The following AKAP6 variants were observed in gnomAD, a reference collection of about 807,000 sequenced individuals.
The protein encoded by AKAP6 is A-kinase anchor protein 6.
A neutral mutation model predicts 188.5 loss-of-function variants in AKAP6; 58 were observed. That is an observed-to-expected ratio of 0.31 (90% CI 0.25 to 0.38). The LOEUF is 0.38. AKAP6 is among the 10% of genes least tolerant of loss of function. The pLI is 1.00. For synonymous variants in AKAP6, 989 were observed against 998.6 expected, an observed-to-expected ratio of 0.99 and a Z score of 0.18; for missense variants, 2,710 against 2,740.0, an observed-to-expected ratio of 0.99 and a Z score of 0.24.
chr14:32,510,026 A>T (rs773620268), intron 2 of AKAP6, among the ~76,000 whole-genome samples: 6 of 152,100 alleles, frequency 3.9e-5, no homozygotes, highest in Non-Finnish European at 8.8e-5. Context: ...GCTACATTTA[A>T]AGGAAGTTTT....
intron 13 of AKAP6, among the ~76,000 whole-genome samples, chr14:32,825,119 A>T (rs2034642565): frequency 6.6e-6 from 1 of 152,212 alleles, no homozygotes; most frequent in South Asian, 2.1e-4. Flanking sequence ...GGAGAATAAA[A>T]AGCTTATCCA....
chr14:32,779,729 C>T (rs1378704250), intron 12 of AKAP6, among the ~76,000 whole-genome samples: 1 of 152,136 alleles, frequency 6.6e-6, no homozygotes, highest in African/African-American at 2.4e-5. Flanking sequence ...GCAGAGATTC[C>T]ATTACTTTTT....
intron 4 of AKAP6, among the ~76,000 whole-genome samples, chr14:32,554,998 T>C (rs1290642944): frequency 6.6e-6 from 1 of 152,260 alleles, no homozygotes; most frequent in Non-Finnish European, 1.5e-5. Context: ...AATGTCTTCA[T>C]ATGCCAAATT....
At chr14:32,652,755 T>G (rs996419146) in intron 7 of AKAP6, among the ~76,000 whole-genome samples, 3 of 152,170 alleles carry the variant, frequency 2.0e-5, no homozygotes, top group Non-Finnish European at 4.4e-5. Flanking sequence ...TGCACATCTC[T>G]AAAATGTCCA....
intron 7 of AKAP6, among the ~76,000 whole-genome samples, chr14:32,667,593 G>T (rs1000412895): frequency 6.6e-6 from 1 of 152,054 alleles, no homozygotes; most frequent in East Asian, 1.9e-4. Context: ...GCAGCTCAAA[G>T]TCGAGATTCT....
At chr14:32,547,107 A>G in intron 4 of AKAP6, 108 bp downstream of exon 4, 3 of 1,060,054 alleles carry the variant, frequency 2.8e-6, no homozygotes, top group Non-Finnish European at 4.0e-6. Context: ...GCTATTTTTG[A>G]TAAATCTGAT....
intron 2 of AKAP6, among the ~76,000 whole-genome samples, chr14:32,527,066 A>G (rs138035934): frequency 1.4e-3 from 213 of 152,338 alleles, no homozygotes; most frequent in African/African-American, 5.0e-3. Context: ...CCACCTTTAT[A>G]GTATATAGAA....
rs116877689 is a variant in AKAP6, at chr14:32,491,314, A to G, written c.325-44240A>G. 1.6e-3 allele frequency among the ~76,000 whole-genome samples: 236 copies of G among 152,252 alleles called. 4 individuals carry two copies. The East Asian group carries it at 0.028, about 18-fold the overall frequency. On this transcript the variant is annotated intron_variant, in intron 2 of 13. Coordinates refer to ENST00000280979, the MANE Select transcript of AKAP6 (RefSeq NM_004274.5). ...TTATATAATTTGTTCACTCCTTTCC[A>G]TCTCCACTGCCTTTGCTTAGGTCTA... is the stretch of plus-strand genomic sequence containing the variant.
intron 5 of AKAP6, among the ~76,000 whole-genome samples, chr14:32,596,716 G>GC (rs1885718808): frequency 6.6e-6 from 1 of 152,128 alleles, no homozygotes; most frequent in African/African-American, 2.4e-5. Flanking sequence ...ATTGCAGAGG[G>GC]ACTGTACACC....
chr14:32,382,754 C>A (rs893963267), intron 1 of AKAP6, among the ~76,000 whole-genome samples: 3 of 151,950 alleles, frequency 2.0e-5, no homozygotes, highest in African/African-American at 7.3e-5. Flanking sequence ...GAAGTGTATA[C>A]CAGCTTTGTT....
intron 2 of AKAP6, among the ~76,000 whole-genome samples, chr14:32,508,924 C>CA: frequency 6.7e-6 from 1 of 150,218 alleles, no homozygotes; most frequent in East Asian, 2.0e-4. Context: ...CTCCTGGGTT[C>CA]AGCGATTCTC....
intron 2 of AKAP6, among the ~76,000 whole-genome samples, chr14:32,510,442 A>ATATATACATATATATG (rs1881173898): frequency 4.5e-5 from 1 of 22,240 alleles, no homozygotes; most frequent in Non-Finnish European, 9.8e-5. Flanking sequence ...ATATGTGTAT[A>ATATATACATATATATG]TATATATACA....
intron 2 of AKAP6, among the ~76,000 whole-genome samples, chr14:32,516,758 T>TCA (rs1396553209): frequency 3.9e-5 from 6 of 152,222 alleles, no homozygotes; most frequent in African/African-American, 1.4e-4. Flanking sequence ...ATAGGTGTTT[T>TCA]ATTTTTCAAT....
At chr14:32,803,039 A>C (rs1479116330) in intron 12 of AKAP6, among the ~76,000 whole-genome samples, 1 of 152,214 alleles carries the variant, frequency 6.6e-6, no homozygotes, top group Non-Finnish European at 1.5e-5. Flanking sequence ...CAGAGGCTGC[A>C]GTGAGCCAAG....
chr14:32,836,593 G>A lies in AKAP6; in HGVS notation c.*6788G>A, dbSNP rs1184519246. Reference sequence around the variant, plus strand: ...TCCTACTCAAGCAGAGTATCTTAAGGCAGCAGATTGGAGTGACGTTACTTT... The same window carrying A: ...TCCTACTCAAGCAGAGTATCTTAAGACAGCAGATTGGAGTGACGTTACTTT... On this transcript the variant is annotated 3_prime_UTR_variant, in exon 14 of 14. Transcript: ENST00000280979. 6 of 152,006 alleles carry A rather than the reference G, an allele frequency of 3.9e-5. No individual in the cohort carries two copies. Among genetic ancestry groups the A allele is most frequent in the South Asian group, 2.1e-4 (1 of 4,824 alleles). 9.4% of individuals were successfully genotyped at this position (152,006 alleles called of 1,614,324 possible).
intron 7 of AKAP6, among the ~76,000 whole-genome samples, chr14:32,641,947 G>A (rs1002380324): frequency 6.6e-6 from 1 of 151,972 alleles, no homozygotes; most frequent in Non-Finnish European, 1.5e-5. Flanking sequence ...ATGGCAACTC[G>A]GCAAATACAT....
intron 9 of AKAP6, among the ~76,000 whole-genome samples, 178 bp downstream of exon 9, chr14:32,696,288 C>T (rs1263075348): frequency 6.6e-6 from 1 of 152,156 alleles, no homozygotes; most frequent in Non-Finnish European, 1.5e-5. Flanking sequence ...GCTGCACCGA[C>T]ATCATAATTG....
At chr14:32,486,683 C>T (rs1408463864) in intron 2 of AKAP6, among the ~76,000 whole-genome samples, 1 of 152,196 alleles carries the variant, frequency 6.6e-6, no homozygotes. Flanking sequence ...TGAGACTTTG[C>T]TGAAGTTACT....
At chr14:32,812,780 AT>A (rs2034269665) in intron 12 of AKAP6, among the ~76,000 whole-genome samples, 1 of 152,224 alleles carries the variant, frequency 6.6e-6, no homozygotes, top group African/African-American at 2.4e-5. Context: ...CACTGAGGTT[AT>A]TGCACCTGAG....
Sources: gnomAD v4.1 joint callset for allele counts (sites outside exome capture counted in the v4.1 genomes callset) on GRCh38, gnomAD v4.1.1 for gene constraint, MANE v1.5 for transcripts, NCBI Gene and HGNC (gene_info 2026-07-23, HGNC 2026-07-21) for gene names.